Variants in ANO6 observed in about 807,000 individuals in gnomAD.
ANO6 encodes the protein anoctamin 6.
A neutral mutation model predicts 117.5 loss-of-function variants in ANO6; 106 were observed. The ratio of observed to expected loss-of-function variants is 0.90; its 90% CI spans 0.77 to 1.06. The LOEUF is 1.06. Ranked by LOEUF, ANO6 falls within the 50% of genes least tolerant of loss-of-function variation. The probability of loss-of-function intolerance (pLI) is 0.00; values close to 1 mark genes in which losing one functional copy is unlikely to be tolerated. For missense variants in ANO6, 955 were observed against 1,121.1 expected (o/e 0.85, Z 2.12); for synonymous variants, 367 against 385.1 (o/e 0.95, Z 0.55).
chr12:45,384,417 G>A lies in ANO6; in HGVS notation c.1166-3744G>A, dbSNP rs1274394644. Reference sequence around the variant, plus strand: ...ACAGCTTGGCAAACTGGCACAAGAGGCCTAGCTTTCGATATGCCTTCCTCA... The same window carrying A: ...ACAGCTTGGCAAACTGGCACAAGAGACCTAGCTTTCGATATGCCTTCCTCA... On this transcript the variant is annotated intron_variant, in intron 10 of 19. Coordinates refer to ENST00000320560, the MANE Select transcript of ANO6 (RefSeq NM_001025356.3). Among the ~76,000 whole-genome samples the A allele has an allele frequency of 2.0e-5, 3 of 152,180 alleles. No individual in the cohort carries two copies. In the East Asian group the frequency reaches 5.8e-4, roughly 29 times the overall value.
intron 1 of ANO6, among the ~76,000 whole-genome samples, chr12:45,261,366 C>T (rs142142032): frequency 2.0e-5 from 3 of 152,266 alleles, no homozygotes; most frequent in African/African-American, 7.2e-5. Flanking sequence ...CTGGATTGGA[C>T]ACTTGATCTA....
At chr12:45,312,626 T>TGTA (rs1939883561) in intron 2 of ANO6, among the ~76,000 whole-genome samples, 1 of 152,100 alleles carries the variant, frequency 6.6e-6, no homozygotes, top group Non-Finnish European at 1.5e-5. Context: ...ATCTTTACTA[T>TGTA]AAGTCTCAAA....
At chr12:45,433,687 CCTCG>C (rs201809306), downstream of ANO6, among the ~76,000 whole-genome samples, 2 of 136,362 alleles carry the variant, frequency 1.5e-5, no homozygotes, top group African/African-American at 7.5e-5. Flanking sequence ...CTCTTTGAGC[CCTCG>C]TCACCGTCAC....
chr12:45,359,967 A>G (rs1466736330), intron 8 of ANO6, among the ~76,000 whole-genome samples: 2 of 152,384 alleles, frequency 1.3e-5, no homozygotes, highest in Admixed American at 6.5e-5. Flanking sequence ...TCTAGTTGGT[A>G]TGAAGTGGTA....
intron 1 of ANO6, among the ~76,000 whole-genome samples, chr12:45,216,709 G>A (rs1947319476): frequency 1.3e-5 from 2 of 152,256 alleles, no homozygotes; most frequent in African/African-American, 4.8e-5. Context: ...AGCAACTTTG[G>A]GGTCACTTCC....
chr12:45,422,884 T>C, intron 18 of ANO6, 73 bp from the exon 19 acceptor site: 2 of 1,205,692 alleles, frequency 1.7e-6, no homozygotes, highest in Non-Finnish European at 2.5e-6. Context: ...TGACCTCTTT[T>C]TAAATGGGGC....
At chr12:45,328,425 T>C (rs1940546643) in intron 2 of ANO6, among the ~76,000 whole-genome samples, 1 of 152,040 alleles carries the variant, frequency 6.6e-6, no homozygotes, top group Admixed American at 6.6e-5. Flanking sequence ...TTGATAAAAA[T>C]GAAAAAAATT....
chr12:45,306,145 GA>G (rs929525299), intron 2 of ANO6, among the ~76,000 whole-genome samples: 12 of 152,230 alleles, frequency 7.9e-5, no homozygotes, highest in African/African-American at 2.9e-4. Context: ...AAAACACAAG[GA>G]AAGAGAAGGC....
chr12:45,238,938 T>C (rs1947692626), intron 1 of ANO6, among the ~76,000 whole-genome samples: 1 of 152,214 alleles, frequency 6.6e-6, no homozygotes, highest in South Asian at 2.1e-4. Flanking sequence ...CTGGATTTGG[T>C]TTGTCAGTAT....
chr12:45,289,984 G>C (rs1939042960), intron 1 of ANO6, among the ~76,000 whole-genome samples: 1 of 152,114 alleles, frequency 6.6e-6, no homozygotes, highest in African/African-American at 2.4e-5. Flanking sequence ...ACCTGACAGA[G>C]CTGAACTCAT....
chr12:45,305,548 T>C (rs577443378), intron 2 of ANO6, among the ~76,000 whole-genome samples: 1 of 152,296 alleles, frequency 6.6e-6, no homozygotes, highest in African/African-American at 2.4e-5. Flanking sequence ...TGGAACTATG[T>C]GAATGGTGAC....
At chr12:45,410,928 A>C (rs74486571) in intron 16 of ANO6, among the ~76,000 whole-genome samples, 2,431 of 152,168 alleles carry the variant, frequency 0.016, 58 homozygotes, top group East Asian at 0.097. Flanking sequence ...TTTGAATTTC[A>C]TTTTTGCTTT....
At chr12:45,314,474 T>TACAC (rs56187528) in intron 2 of ANO6, among the ~76,000 whole-genome samples, 26 of 144,880 alleles carry the variant, frequency 1.8e-4, no homozygotes, top group African/African-American at 6.5e-4. Context: ...ATATTATATA[T>TACAC]ACACACACAC....
At chr12:45,418,746 A>G (rs1943278228) in intron 17 of ANO6, among the ~76,000 whole-genome samples, 1 of 152,174 alleles carries the variant, frequency 6.6e-6, no homozygotes, top group African/African-American at 2.4e-5. Flanking sequence ...GTGTATGTGT[A>G]CAGACATTCA....
rs1267692806 is a variant in ANO6, at chr12:45,285,010, A to G, written c.71-17004A>G. ...GAAATTTTAAGTAGCTTGAATCTCT[A>G]AGATGATTTAGCTGTAGTCAGATAA... is the stretch of plus-strand genomic sequence containing the variant. On this transcript the variant is annotated intron_variant, in intron 1 of 19. Coordinates refer to ENST00000320560, the MANE Select transcript of ANO6 (RefSeq NM_001025356.3). Among the ~76,000 whole-genome samples, 3 of 152,248 alleles carry G rather than the reference A, an allele frequency of 2.0e-5. No homozygotes were observed. In the East Asian group the frequency reaches 5.8e-4, roughly 29 times the overall value.
intron 2 of ANO6, among the ~76,000 whole-genome samples, chr12:45,319,054 T>G (rs552766218): frequency 6.6e-6 from 1 of 152,326 alleles, no homozygotes; most frequent in Non-Finnish European, 1.5e-5. Context: ...AATCATGTCA[T>G]CTGCAAACAG....
chr12:45,433,050 T>A (rs1276932720), downstream of ANO6, among the ~76,000 whole-genome samples: 1 of 152,234 alleles, frequency 6.6e-6, no homozygotes, highest in Non-Finnish European at 1.5e-5. Context: ...TGGCCCAATA[T>A]GACCAGGACT....
At chr12:45,217,866 G>A (rs983887788) in intron 1 of ANO6, among the ~76,000 whole-genome samples, 16 of 152,204 alleles carry the variant, frequency 1.1e-4, no homozygotes, top group Non-Finnish European at 1.5e-4. Flanking sequence ...ATGGTGAGCT[G>A]CACTGTTTAT....
chr12:45,231,114 A>T (rs1443710540), intron 1 of ANO6, among the ~76,000 whole-genome samples: 1 of 152,192 alleles, frequency 6.6e-6, no homozygotes, highest in Non-Finnish European at 1.5e-5. Flanking sequence ...CTCAAAAAAG[A>T]AGGAAAAATT....
Sources: allele counts gnomAD v4.1 joint callset (sites outside exome capture counted in the v4.1 genomes callset), GRCh38; gene constraint gnomAD v4.1.1; transcripts MANE v1.5; gene names NCBI Gene and HGNC (gene_info 2026-07-23, HGNC 2026-07-21).